Variants in ZCCHC7 observed in about 807,000 individuals in gnomAD.
The protein encoded by ZCCHC7 is zinc finger CCHC-type containing 7.
In ZCCHC7, 35 loss-of-function variants were observed where a neutral mutation model predicts 52.0. The observed-to-expected ratio is 0.67, with a 90% confidence interval of 0.51 to 0.89. ZCCHC7 has a LOEUF of 0.89. Among genes scored for constraint, ZCCHC7 ranks in the 40% least tolerant of loss-of-function variants. The pLI is 0.00. For missense variants in ZCCHC7, 574 were observed against 649.1 expected, an observed-to-expected ratio of 0.88 and a Z score of 1.26; for synonymous variants, 217 against 221.5, an observed-to-expected ratio of 0.98 and a Z score of 0.18.
At chr9:37,303,524 T>G (rs1829139435) in intron 3 of ZCCHC7, among the ~76,000 whole-genome samples, 1 of 151,192 alleles carries the variant, frequency 6.6e-6, no homozygotes, top group South Asian at 2.1e-4. Context: ...CTGCTCGATC[T>G]GAAACATAAG....
Position 37,306,762 on chromosome 9 carries a change from C to CTTTTTTTTTTTTTTTTTTTTTT in ZCCHC7, c.951+1069_951+1090dup, listed in dbSNP as rs869292704. 7.7e-5 allele frequency among the ~76,000 whole-genome samples: 4 copies of CTTTTTTTTTTTTTTTTTTTTTT among 52,034 alleles called. 2 individuals carry two copies. Among genetic ancestry groups the CTTTTTTTTTTTTTTTTTTTTTT allele is most frequent in the African/African-American group, 1.4e-4 (2 of 14,008 alleles). The allele number at this position is 52,034 out of a possible 152,430, so 34.1% of individuals were successfully genotyped here. On this transcript the variant is annotated intron_variant, in intron 5 of 8. Transcript: ENST00000336755. ...ACAGGCATGAGCCACTGTACCCGAC[C>CTTTTTTTTTTTTTTTTTTTTTT]TTTTTTTTTTTTTTTTTTTTTTTTT...
intron 5 of ZCCHC7, among the ~76,000 whole-genome samples, chr9:37,320,016 G>A (rs1291499164): frequency 1.3e-5 from 2 of 152,126 alleles, no homozygotes; most frequent in African/African-American, 4.8e-5. Flanking sequence ...AATGCCATAT[G>A]GTCTTGATTA....
At position 37,357,526 on chromosome 9, in the gene ZCCHC7, A is replaced by G. The variant is rs1821784594; in HGVS notation, c.*258A>G. On this transcript the variant is annotated 3_prime_UTR_variant, in exon 9 of 9. Coordinates refer to ENST00000336755, the MANE Select transcript of ZCCHC7 (RefSeq NM_032226.3). ...ATATGTCATCTTTACTCAGAATCCT[A>G]GGGATAGGTAGAAGAATTCATCTTT... 1 of 272,262 alleles carries G rather than the reference A, an allele frequency of 3.7e-6. No individual in the cohort carries two copies. The highest frequency in any genetic ancestry group is 6.8e-6 in the Non-Finnish European group (1 of 147,390). The allele number at this position is 272,262 out of a possible 1,614,324, so 16.9% of individuals were successfully genotyped here.
intron 7 of ZCCHC7, among the ~76,000 whole-genome samples, chr9:37,350,369 T>A (rs1256586249): frequency 6.6e-6 from 1 of 152,170 alleles, no homozygotes; most frequent in Non-Finnish European, 1.5e-5. Flanking sequence ...TGGCCTCAGA[T>A]GATCCACCCG....
At chr9:37,306,657 G>T (rs1215888549) in intron 5 of ZCCHC7, among the ~76,000 whole-genome samples, 1 of 146,036 alleles carries the variant, frequency 6.8e-6, no homozygotes, top group Admixed American at 6.9e-5. Flanking sequence ...TAGATACGGG[G>T]TTTCACCACG....
At chr9:37,156,640 C>T (rs1820829541) in intron 2 of ZCCHC7, among the ~76,000 whole-genome samples, 1 of 152,134 alleles carries the variant, frequency 6.6e-6, no homozygotes, top group Admixed American at 6.5e-5. Flanking sequence ...AATAAATCAT[C>T]GTTAAAAAGA....
intron 5 of ZCCHC7, among the ~76,000 whole-genome samples, chr9:37,308,283 T>C (rs902698607): frequency 2.0e-5 from 3 of 152,176 alleles, no homozygotes; most frequent in African/African-American, 7.2e-5. Context: ...CTGCATTAAG[T>C]TGTCAATTAT....
intron 3 of ZCCHC7, 143 bp from the exon 4 acceptor site, chr9:37,304,043 ATT>A: frequency 1.4e-6 from 1 of 730,436 alleles, no homozygotes; most frequent in East Asian, 2.8e-5. Context: ...ATAACTAATA[ATT>A]CTCTTGCTTT....
At chr9:37,209,134 A>G (rs916763074) in intron 2 of ZCCHC7, among the ~76,000 whole-genome samples, 2 of 151,800 alleles carry the variant, frequency 1.3e-5, no homozygotes, top group Non-Finnish European at 2.9e-5. Flanking sequence ...TCCACCTCCC[A>G]GGTTCACGCC....
chr9:37,212,415 A>G (rs1824290402), intron 2 of ZCCHC7, among the ~76,000 whole-genome samples: 1 of 152,200 alleles, frequency 6.6e-6, no homozygotes, highest in Admixed American at 6.5e-5. Flanking sequence ...TTGGAGTGGG[A>G]AAATAAAGAC....
At chr9:37,216,000 C>G (rs778201027) in intron 2 of ZCCHC7, among the ~76,000 whole-genome samples, 4 of 152,116 alleles carry the variant, frequency 2.6e-5, no homozygotes, top group Non-Finnish European at 2.9e-5. Flanking sequence ...AATCATTATT[C>G]ACAGTTAAAG....
chr9:37,338,946 C>T (rs916692514), intron 6 of ZCCHC7, among the ~76,000 whole-genome samples: 24 of 152,100 alleles, frequency 1.6e-4, no homozygotes, highest in African/African-American at 5.3e-4. Context: ...CCAAAGGAGA[C>T]GTTCCGGTCT....
chr9:37,142,341 A>G (rs539227698), intron 2 of ZCCHC7, among the ~76,000 whole-genome samples: 89 of 151,652 alleles, frequency 5.9e-4, no homozygotes, highest in African/African-American at 2.1e-3. Context: ...CTCTTTCTGC[A>G]TATCTGTTAA....
In ZCCHC7 at chr9:37,220,598, T is replaced by C. The variant is rs78204695; in HGVS notation, c.611-81590T>C. Reference sequence around the variant, plus strand: ...TTGCCAAATGTGAGTGATTGATAGATAGTACTGTGGGAGTTTGAAAGAGCG... The same window carrying C: ...TTGCCAAATGTGAGTGATTGATAGACAGTACTGTGGGAGTTTGAAAGAGCG... On this transcript the variant is annotated intron_variant, in intron 2 of 8. Transcript: ENST00000336755. Among the ~76,000 whole-genome samples, 526 of 152,210 alleles carry C rather than the reference T, an allele frequency of 3.5e-3. 5 individuals carry two copies. Among genetic ancestry groups the C allele is most frequent in the African/African-American group, 0.012 (506 of 41,530 alleles).
chr9:37,126,988 A>C, intron 2 of ZCCHC7, 46 bp downstream of exon 2: 1 of 1,589,302 alleles, frequency 6.3e-7, no homozygotes, highest in Non-Finnish European at 8.6e-7. Flanking sequence ...ATCTTTCATA[A>C]GGAGGACTGC....
chr9:37,305,597 T>C lies in ZCCHC7; in HGVS notation c.834T>C (p.Cys278=). The change falls in exon 5 of 9, where the codon TGT becomes TGC. Residue 278 remains cysteine, a synonymous_variant. Transcript: ENST00000336755. The stretch of plus-strand genomic sequence containing the variant: ...GGAGAGGACATCTCCTGTATTCCTG[T>C]CCAGCCCCCCTTTGCGAATACTGTC... ...CSRRGHLLYS[C]PAPLCEYCPV... is the part of the protein sequence containing the mutation. 2 of 1,614,198 alleles carry C rather than the reference T, an allele frequency of 1.2e-6. No homozygotes were observed. Among genetic ancestry groups the C allele is most frequent in the African/African-American group, 1.3e-5 (1 of 75,048 alleles).
intron 2 of ZCCHC7, among the ~76,000 whole-genome samples, chr9:37,189,107 T>A (rs1372336660): frequency 1.3e-5 from 2 of 149,020 alleles, no homozygotes; most frequent in East Asian, 4.0e-4. Flanking sequence ...AAATTTTGCA[T>A]TTGATTTTTC....
intron 5 of ZCCHC7, among the ~76,000 whole-genome samples, chr9:37,325,190 G>A (rs1830193531): frequency 1.3e-5 from 2 of 152,180 alleles, no homozygotes; most frequent in Non-Finnish European, 2.9e-5. Context: ...GGCAGAAGTT[G>A]GCAAACAATG....
chr9:37,201,123 T>G (rs965841322), intron 2 of ZCCHC7, among the ~76,000 whole-genome samples: 1 of 152,106 alleles, frequency 6.6e-6, no homozygotes, highest in African/African-American at 2.4e-5. Context: ...TTAGTGAGAG[T>G]CTAGTTTAAT....
Sources: gnomAD v4.1 joint callset for allele counts (sites outside exome capture counted in the v4.1 genomes callset) on GRCh38, gnomAD v4.1.1 for gene constraint, MANE v1.5 for transcripts, NCBI Gene and HGNC (gene_info 2026-07-23, HGNC 2026-07-21) for gene names.